ADGRB3: variants seen among roughly 807,000 people sequenced by gnomAD.
The protein encoded by ADGRB3 is brain-specific angiogenesis inhibitor 3.
A neutral mutation model predicts 193.4 loss-of-function variants in ADGRB3; 37 were observed. The ratio of observed to expected loss-of-function variants is 0.19; its 90% confidence interval spans 0.15 to 0.25. The LOEUF (loss-of-function observed/expected upper bound fraction) is 0.25. Among genes scored for constraint, ADGRB3 ranks in the 10% least tolerant of loss-of-function variants. ADGRB3 has a pLI of 1.00. For synonymous variants in ADGRB3, 690 were observed against 644.2 expected (o/e 1.07, Z -1.08); for missense variants, 1,637 against 1,852.9 (o/e 0.88, Z 2.14).
chr6:69,071,448 CAGAGG>C (rs1395855652), intron 16 of ADGRB3, among the ~76,000 whole-genome samples: 5 of 152,060 alleles, frequency 3.3e-5, no homozygotes, highest in African/African-American at 1.2e-4. Flanking sequence ...GACGTTGGAA[CAGAGG>C]AGAGAAGTAA....
intron 17 of ADGRB3, among the ~76,000 whole-genome samples, chr6:69,144,398 A>G (rs932595296): frequency 3.9e-5 from 6 of 152,016 alleles, no homozygotes; most frequent in African/African-American, 1.5e-4. Context: ...GATGCCCTTT[A>G]TTTATTTATC....
At chr6:69,320,319 CTTA>C (rs1305951606) in intron 20 of ADGRB3, among the ~76,000 whole-genome samples, 3 of 150,830 alleles carry the variant, frequency 2.0e-5, no homozygotes, top group African/African-American at 4.9e-5. Context: ...TTTATTTAGA[CTTA>C]TTATTTTCTT....
At chr6:69,158,257 G>T (rs1295820499) in intron 17 of ADGRB3, among the ~76,000 whole-genome samples, 1 of 151,550 alleles carries the variant, frequency 6.6e-6, no homozygotes, top group Non-Finnish European at 1.5e-5. Context: ...AGTTCTTTGG[G>T]TACCAAATAA....
intron 26 of ADGRB3, among the ~76,000 whole-genome samples, chr6:69,340,177 T>C (rs1768945718): frequency 6.6e-6 from 1 of 152,108 alleles, no homozygotes; most frequent in Admixed American, 6.5e-5. Context: ...TTATTGTCAG[T>C]AGTAGGGGAA....
intron 6 of ADGRB3, among the ~76,000 whole-genome samples, chr6:68,953,566 A>G (rs1234174673): frequency 6.6e-6 from 1 of 152,216 alleles, no homozygotes; most frequent in Admixed American, 6.5e-5. Context: ...GGGGAAATAG[A>G]TAATTTATAA....
In ADGRB3 at chr6:69,018,435, T is replaced by G. The variant is rs747071062; in HGVS notation, c.2043T>G (p.Phe681Leu). ...AGTTAATGCAGGTGATTGAAGATTT[T>G]ATACACATTGTTGGAATGGGGATGA... ...SIELMQVIED[F>L]IHIVGMGMMD... is the part of the protein sequence containing the mutation. Residue 681 changes from phenylalanine (F) to leucine (L), a missense_variant, in exon 13 of 32, where the codon TTT becomes TTG. Phe to Leu is a conservative substitution (Grantham distance 22). Around this residue, in one of 7 missense-constraint regions of ADGRB3, gnomAD observed 641 missense variants for 673.9 expected, o/e 0.95. Coordinates refer to ENST00000370598, the MANE Select transcript of ADGRB3 (RefSeq NM_001704.3). 1 of 1,609,676 alleles carries G rather than the reference T, an allele frequency of 6.2e-7. No homozygotes were observed. Among genetic ancestry groups the G allele is most frequent in the Admixed American group, 1.7e-5 (1 of 59,904 alleles).
At chr6:69,011,873 A>G (rs1429243382) in intron 11 of ADGRB3, among the ~76,000 whole-genome samples, 1 of 152,020 alleles carries the variant, frequency 6.6e-6, no homozygotes, top group Non-Finnish European at 1.5e-5. Context: ...TCAGGGCGCT[A>G]CTACTGATTA....
At chr6:68,670,047 G>C (rs1768906559) in intron 3 of ADGRB3, among the ~76,000 whole-genome samples, 1 of 151,920 alleles carries the variant, frequency 6.6e-6, no homozygotes, top group Non-Finnish European at 1.5e-5. Context: ...TAGTATGTCT[G>C]TTTGCCATTT....
intron 3 of ADGRB3, among the ~76,000 whole-genome samples, chr6:68,734,006 A>C (rs560210111): frequency 4.6e-5 from 7 of 152,076 alleles, no homozygotes; most frequent in African/African-American, 1.4e-4. Flanking sequence ...ATGCCTAAAA[A>C]AGTTTAAAAA....
chr6:69,148,199 C>T (rs1325097796), intron 17 of ADGRB3, among the ~76,000 whole-genome samples: 1 of 152,034 alleles, frequency 6.6e-6, no homozygotes, highest in East Asian at 1.9e-4. Context: ...TTGTGGTCCT[C>T]TCTTCCTTCT....
At position 69,128,423 on chromosome 6, in the gene ADGRB3, A is replaced by G. The variant is rs936397874; in HGVS notation, c.2480+52385A>G. On this transcript the variant is annotated intron_variant, in intron 17 of 31. Coordinates refer to ENST00000370598, the MANE Select transcript of ADGRB3 (RefSeq NM_001704.3). ...TCTTGTGGTCTGTGACTTGAAGACAATTATTTTTCTGTAACAGTAATATCA... is the reference window on the plus strand; with the variant it reads ...TCTTGTGGTCTGTGACTTGAAGACAGTTATTTTTCTGTAACAGTAATATCA... Among the ~76,000 whole-genome samples, 3 of 152,236 alleles carry G rather than the reference A, an allele frequency of 2.0e-5. No homozygotes were observed. In the East Asian group the frequency reaches 5.8e-4, roughly 29 times the overall value.
At chr6:68,889,262 T>C (rs954484335) in intron 3 of ADGRB3, among the ~76,000 whole-genome samples, 1 of 152,170 alleles carries the variant, frequency 6.6e-6, no homozygotes, top group South Asian at 2.1e-4. Flanking sequence ...TAATTCAGCA[T>C]TTTGTTTGCC....
At chr6:69,304,786 T>C (rs1172424710) in intron 20 of ADGRB3, among the ~76,000 whole-genome samples, 2 of 151,584 alleles carry the variant, frequency 1.3e-5, no homozygotes, top group Non-Finnish European at 2.9e-5. Flanking sequence ...TAATGGTAGT[T>C]ATTTCTATTG....
intron 3 of ADGRB3, among the ~76,000 whole-genome samples, chr6:68,682,569 A>G (rs1764914434): frequency 6.6e-6 from 1 of 152,240 alleles, no homozygotes; most frequent in Admixed American, 6.5e-5. Flanking sequence ...GTTAAAAGAA[A>G]TAAAAAATTA....
At chr6:69,152,671 A>G (rs1194330340) in intron 17 of ADGRB3, among the ~76,000 whole-genome samples, 1 of 152,212 alleles carries the variant, frequency 6.6e-6, no homozygotes, top group African/African-American at 2.4e-5. Context: ...AACTGAGTAT[A>G]TGCTACTGTT....
At chr6:69,311,700 A>C (rs1025705795) in intron 20 of ADGRB3, among the ~76,000 whole-genome samples, 1 of 151,532 alleles carries the variant, frequency 6.6e-6, no homozygotes, top group Admixed American at 6.6e-5. Context: ...CTTCCTTTCT[A>C]CCTGTTTCAA....
intron 20 of ADGRB3, among the ~76,000 whole-genome samples, chr6:69,265,782 A>G (rs2127276193): frequency 6.6e-6 from 1 of 152,014 alleles, no homozygotes; most frequent in Non-Finnish European, 1.5e-5. Flanking sequence ...CCTGAAGCAT[A>G]TTTTCAATTA....
At chr6:69,355,760 T>C in intron 27 of ADGRB3, 61 bp from the exon 28 acceptor site, 1 of 1,343,496 alleles carries the variant, frequency 7.4e-7, no homozygotes, top group African/African-American at 1.5e-5. Flanking sequence ...ATCTGATTAG[T>C]AAAAGACACT....
chr6:68,807,540 GGAT>G (rs1404623413), intron 3 of ADGRB3, among the ~76,000 whole-genome samples: 4 of 151,928 alleles, frequency 2.6e-5, no homozygotes, highest in Non-Finnish European at 4.4e-5. Flanking sequence ...GCGCCTGGCC[GGAT>G]GTTAATTTTT....
Sources: gnomAD v4.1 joint callset for allele counts (sites outside exome capture counted in the v4.1 genomes callset) on GRCh38, gnomAD v4.1.1 for gene constraint, gnomAD v4.1.1 regional missense constraint, MANE v1.5 for transcripts, NCBI Gene and HGNC (gene_info 2026-07-23, HGNC 2026-07-21) for gene names.